OPCML: variants seen among roughly 807,000 people sequenced by gnomAD.
OPCML encodes opioid binding protein/cell adhesion molecule like.
A neutral mutation model predicts 37.8 loss-of-function variants in OPCML; 13 were observed. The ratio of observed to expected loss-of-function variants is 0.34; its 90% CI spans 0.22 to 0.55. OPCML has a LOEUF of 0.55. Ranked by LOEUF, OPCML falls within the 20% of genes least tolerant of loss-of-function variation. The pLI is 0.91. For missense variants in OPCML, 341 were observed against 435.6 expected (o/e 0.78, Z 1.93); for synonymous variants, 176 against 168.8 (o/e 1.04, Z -0.33).
chr11:132,888,201 A>T (rs1456025835), intron 2 of OPCML, among the ~76,000 whole-genome samples: 2 of 152,154 alleles, frequency 1.3e-5, no homozygotes, highest in Non-Finnish European at 2.9e-5. Flanking sequence ...TGTCACTAAG[A>T]TGGCCAAGAT....
At chr11:133,039,811 C>T (rs896615580) in intron 1 of OPCML, among the ~76,000 whole-genome samples, 8 of 152,038 alleles carry the variant, frequency 5.3e-5, no homozygotes, top group Non-Finnish European at 1.0e-4. Context: ...GGGCACATCA[C>T]GAGGTCAGGA....
chr11:132,651,978 T>C (rs2135753392), intron 3 of OPCML, among the ~76,000 whole-genome samples: 1 of 152,214 alleles, frequency 6.6e-6, no homozygotes, highest in Admixed American at 6.5e-5. Context: ...AAAGCAACCA[T>C]AGACGGATCT....
intron 3 of OPCML, among the ~76,000 whole-genome samples, chr11:132,647,657 AT>A (rs1941223384): frequency 6.6e-6 from 1 of 152,116 alleles, no homozygotes; most frequent in Non-Finnish European, 1.5e-5. Flanking sequence ...CTTCATCATT[AT>A]TGTCTTAATG....
At chr11:132,758,227 T>A (rs146644334) in intron 2 of OPCML, among the ~76,000 whole-genome samples, 1 of 152,190 alleles carries the variant, frequency 6.6e-6, no homozygotes, top group South Asian at 2.1e-4. Context: ...TAGTTTGAAG[T>A]CAGGTAACGT....
At chr11:132,832,010 G>A (rs964866535) in intron 2 of OPCML, among the ~76,000 whole-genome samples, 3 of 151,520 alleles carry the variant, frequency 2.0e-5, no homozygotes, top group Non-Finnish European at 2.9e-5. Flanking sequence ...CAAGTCCATC[G>A]CACAATGCTT....
chr11:133,113,435 A>T (rs76842351), intron 1 of OPCML, among the ~76,000 whole-genome samples: 5,180 of 152,300 alleles, frequency 0.034, 275 homozygotes, highest in African/African-American at 0.12. Context: ...GCAGGAGAGA[A>T]AAAAATAACA....
At chr11:133,314,766 G>A (rs78707263) in intron 1 of OPCML, among the ~76,000 whole-genome samples, 7,535 of 152,196 alleles carry the variant, frequency 0.05, 214 homozygotes, top group Middle Eastern at 0.078. Flanking sequence ...TGTGCCCACG[G>A]CTCCCAAGCA....
intron 1 of OPCML, among the ~76,000 whole-genome samples, chr11:133,113,357 AT>A (rs1949286490): frequency 6.6e-6 from 1 of 152,198 alleles, no homozygotes; most frequent in East Asian, 1.9e-4. Context: ...TCAGTCTTCT[AT>A]TTACCTAGAG....
chr11:133,306,138 C>T (rs1215706661), intron 1 of OPCML, among the ~76,000 whole-genome samples: 1 of 152,128 alleles, frequency 6.6e-6, no homozygotes, highest in African/African-American at 2.4e-5. Flanking sequence ...AACTGGCATA[C>T]ATCAGTAGAA....
intron 4 of OPCML, among the ~76,000 whole-genome samples, chr11:132,491,120 C>T (rs1256597574): frequency 2.0e-5 from 3 of 152,164 alleles, no homozygotes; most frequent in Admixed American, 2.0e-4. Context: ...ATGTTGAGGC[C>T]CGCACATCTC....
chr11:133,296,662 G>A (rs1439230137), intron 1 of OPCML, among the ~76,000 whole-genome samples: 3 of 152,260 alleles, frequency 2.0e-5, no homozygotes, highest in Middle Eastern at 3.4e-3. Context: ...TCTGTAATTC[G>A]GGAACAAGGC....
chr11:132,567,123 A>G (rs1223155934), intron 3 of OPCML, among the ~76,000 whole-genome samples: 1 of 150,128 alleles, frequency 6.7e-6, no homozygotes, highest in African/African-American at 2.4e-5. Context: ...TGAGTACAGT[A>G]AGGACACAGA....
chr11:132,575,739 G>C (rs1391488559), intron 3 of OPCML, among the ~76,000 whole-genome samples: 1 of 151,866 alleles, frequency 6.6e-6, no homozygotes, highest in Non-Finnish European at 1.5e-5. Flanking sequence ...TAATTTTCAT[G>C]TGCTGTTTTG....
At chr11:132,541,678 A>G (rs2096357001) in intron 3 of OPCML, among the ~76,000 whole-genome samples, 1 of 152,204 alleles carries the variant, frequency 6.6e-6, no homozygotes, top group Admixed American at 6.5e-5. Context: ...TACTAGAAGC[A>G]GAGAGGGGTT....
At chr11:132,863,636 A>G (rs1942401546) in intron 2 of OPCML, among the ~76,000 whole-genome samples, 1 of 152,178 alleles carries the variant, frequency 6.6e-6, no homozygotes, top group Admixed American at 6.5e-5. Context: ...ACCTAAAACT[A>G]TGACTCTAAC....
chr11:133,238,586 C>T (rs1233779912), intron 1 of OPCML, among the ~76,000 whole-genome samples: 2 of 152,058 alleles, frequency 1.3e-5, no homozygotes, highest in Non-Finnish European at 2.9e-5. Flanking sequence ...GGCTTGTGCT[C>T]CAGTGTCCTA....
chr11:133,319,324 T>TA lies in OPCML; in HGVS notation c.61+212939dup, dbSNP rs1943275897. On this transcript the variant is annotated intron_variant, in intron 1 of 7. Transcript: ENST00000524381. ...AAATCAGAGCATCTTTTCTCCCCAGTACTGCCTCTGAACTGACCACACACA... is the reference window on the plus strand; with the variant it reads ...AAATCAGAGCATCTTTTCTCCCCAGTAACTGCCTCTGAACTGACCACACACA... Among the ~76,000 whole-genome samples the TA allele has an allele frequency of 1.3e-5, 2 of 152,188 alleles. 1 individual carries two copies. Among genetic ancestry groups the TA allele is most frequent in the South Asian group, 4.1e-4 (2 of 4,832 alleles).
At chr11:132,551,714 C>A (rs568863947) in intron 3 of OPCML, among the ~76,000 whole-genome samples, 1 of 152,094 alleles carries the variant, frequency 6.6e-6, no homozygotes, top group Non-Finnish European at 1.5e-5. Flanking sequence ...ATTTCATCTT[C>A]GACACAATTT....
chr11:132,494,528 C>A (rs546880473), intron 4 of OPCML, among the ~76,000 whole-genome samples: 2 of 151,996 alleles, frequency 1.3e-5, no homozygotes, highest in Non-Finnish European at 2.9e-5. Context: ...TTGATGTCTA[C>A]AAAACCCTAA....
Sources: gnomAD v4.1 joint callset for allele counts (sites outside exome capture counted in the v4.1 genomes callset) on GRCh38, gnomAD v4.1.1 for gene constraint, MANE v1.5 for transcripts, NCBI Gene and HGNC (gene_info 2026-07-23, HGNC 2026-07-21) for gene names.